The following TCFL5 variants were observed in gnomAD, a reference collection of about 807,000 sequenced individuals.
The protein encoded by TCFL5 is transcription factor like 5.
TCFL5 carries 9 observed loss-of-function variants against 44.3 expected under a neutral mutation model. The observed-to-expected ratio is 0.20, with a 90% CI of 0.12 to 0.35. The LOEUF (loss-of-function observed/expected upper bound fraction) is 0.35, where lower values mean the gene tolerates loss of function less well. Ranked by LOEUF, TCFL5 falls within the 10% of genes least tolerant of loss-of-function variation. The probability of loss-of-function intolerance (pLI) is 1.00; values close to 1 mark genes in which losing one functional copy is unlikely to be tolerated. For synonymous variants in TCFL5, 319 were observed against 271.6 expected, an observed-to-expected ratio of 1.17 and a Z score of -1.72; for missense variants, 603 against 613.4, an observed-to-expected ratio of 0.98 and a Z score of 0.18.
intron 5 of TCFL5, among the ~76,000 whole-genome samples, chr20:62,853,082 C>G (rs114352989): frequency 1.4e-5 from 2 of 138,694 alleles, no homozygotes; most frequent in Non-Finnish European, 3.0e-5. Context: ...TCCGCAGAAG[C>G]ACAGTCACCG....
At chr20:62,847,499 A>G (rs758766175) in intron 5 of TCFL5, among the ~76,000 whole-genome samples, 1 of 152,254 alleles carries the variant, frequency 6.6e-6, no homozygotes, top group Non-Finnish European at 1.5e-5. Flanking sequence ...AGCACGGCCC[A>G]GGCCAGAGGG....
intron 5 of TCFL5, chr20:62,852,495 C>G (rs2147266263): frequency 1.0e-6 from 1 of 985,500 alleles, no homozygotes; most frequent in African/African-American, 1.7e-5. Flanking sequence ...GCATTCAAAT[C>G]ACACGTCTAG....
chr20:62,856,909 G>C (rs1568790810), intron 4 of TCFL5, among the ~76,000 whole-genome samples: 1 of 152,170 alleles, frequency 6.6e-6, no homozygotes, highest in African/African-American at 2.4e-5. Context: ...GGCTGACACT[G>C]AACAACTGCT....
chr20:62,846,180 G>T, intron 5 of TCFL5: 1 of 1,072,280 alleles, frequency 9.3e-7, no homozygotes, highest in Non-Finnish European at 1.3e-6. Flanking sequence ...TAAAAAAAAA[G>T]AAGGAAGGAA....
At chr20:62,851,667 T>C in intron 5 of TCFL5, 2 of 985,434 alleles carry the variant, frequency 2.0e-6, no homozygotes, top group Non-Finnish European at 2.4e-6. Context: ...ACTTAAATTA[T>C]GCAACTCGCA....
chr20:62,847,140 G>A (rs8114722), intron 5 of TCFL5, among the ~76,000 whole-genome samples: 8,685 of 149,616 alleles, frequency 0.058, 290 homozygotes, highest in East Asian at 0.15. Flanking sequence ...CCAAGATCGC[G>A]CCATTACACG....
chr20:62,845,836 T>C, intron 5 of TCFL5: 2 of 1,595,490 alleles, frequency 1.3e-6, no homozygotes, highest in Non-Finnish European at 1.7e-6. Flanking sequence ...ATAAAAGTGA[T>C]TTATGACAAA....
intron 5 of TCFL5, chr20:62,852,229 C>A: frequency 2.0e-6 from 2 of 985,466 alleles, no homozygotes; most frequent in Non-Finnish European, 2.4e-6. Context: ...AAAGTCAGGA[C>A]CCTGTGGATC....
intron 4 of TCFL5, among the ~76,000 whole-genome samples, 196 bp downstream of exon 4, chr20:62,857,199 G>A (rs550742081): frequency 9.9e-5 from 15 of 152,254 alleles, no homozygotes; most frequent in African/African-American, 2.9e-4. Context: ...GCGGAGTCCC[G>A]GGAGTCCTCC....
intron 5 of TCFL5, among the ~76,000 whole-genome samples, chr20:62,847,778 G>A (rs2063762065): frequency 6.6e-6 from 1 of 152,264 alleles, no homozygotes; most frequent in South Asian, 2.1e-4. Context: ...GGGAGGCCGA[G>A]GCGGGCGGAT....
At position 62,841,068 on chromosome 20, in the gene TCFL5, C is replaced by A; in HGVS notation, c.*907G>T. On this transcript the variant is annotated 3_prime_UTR_variant, in exon 6 of 6. Transcript: ENST00000335351. ...TTGTGTAAAGACTATGATCTCATCC[C>A]AATAAAATGATATATTAAACCTTCA... is the stretch of plus-strand genomic sequence containing the variant. 3.8e-6 allele frequency: 1 copy of A among 266,282 alleles called. No homozygotes were observed. Among genetic ancestry groups the A allele is most frequent in the Non-Finnish European group, 7.3e-6 (1 of 136,524 alleles). 16.5% of individuals were successfully genotyped at this position (266,282 alleles called of 1,614,324 possible).
rs2064001711 is a variant in TCFL5 at position 62,861,307 on chromosome 20, C to T, written c.364G>A (p.Gly122Ser). The part of the protein sequence containing the change: ...SALAADAPCL[G>S]HIDFQELRMM... ...CGCAGCTCCTGGAAGTCGATGTGGC[C>T]CAGGCAGGGCGCGTCGGCCGCCAGC... The change falls in exon 1 of 6, where the codon GGC (glycine) becomes AGC (serine). Residue 122 changes from glycine (G) to serine (S), a missense_variant. Gly to Ser is a moderately conservative substitution (Grantham distance 56). Coordinates refer to ENST00000335351, the MANE Select transcript of TCFL5 (RefSeq NM_006602.4). The surrounding 1 kb of genome is among the most constrained non-coding windows in gnomAD (Gnocchi z 4.0). 4 of 1,172,884 alleles carry T rather than the reference C, an allele frequency of 3.4e-6. No individual in the cohort carries two copies. Among genetic ancestry groups the T allele is most frequent in the South Asian group, 2.0e-5 (1 of 49,272 alleles). 72.7% of individuals were successfully genotyped at this position (1,172,884 alleles called of 1,614,324 possible). A position where few individuals can be genotyped will look rare whatever the true frequency, so the allele number is the denominator to read the frequency against.
At position 62,857,457 on chromosome 20, in the gene TCFL5, A is replaced by C; in HGVS notation, c.1176T>G (p.Ser392Arg). 2 of 1,613,976 alleles carry C rather than the reference A, an allele frequency of 1.2e-6. No individual in the cohort carries two copies. Among genetic ancestry groups the C allele is most frequent in the Non-Finnish European group, 1.7e-6 (2 of 1,179,986 alleles). ...GTTGAGACCTTCCTCCCTGGGGCCC[A>C]CTCTGGGCCTGCTCCCCCAGGTTTG... is the stretch of plus-strand genomic sequence containing the variant. ...SQANLGEQAQ[S>R]GPQGGRSQRR... Residue 392 changes from serine to arginine, a missense_variant, in exon 4 of 6, where the codon AGT (serine) becomes AGG (arginine). Physicochemically the swap from Ser to Arg is moderately radical, Grantham distance 110. Around this residue, in one of 4 missense-constraint regions of TCFL5, gnomAD observed 540 missense variants for 478.7 expected, o/e 1.13. Coordinates refer to ENST00000335351, the MANE Select transcript of TCFL5 (RefSeq NM_006602.4).
chr20:62,845,168 CTG>C (rs1215974297), intron 5 of TCFL5: 1 of 982,562 alleles, frequency 1.0e-6, no homozygotes, highest in Non-Finnish European at 1.2e-6. Context: ...GTCGCCCAGA[CTG>C]GGGTGCAATG....
intron 4 of TCFL5, among the ~76,000 whole-genome samples, chr20:62,854,439 G>C (rs2063857241): frequency 1.3e-5 from 2 of 152,218 alleles, no homozygotes; most frequent in South Asian, 4.1e-4. Flanking sequence ...TCACGGGCCA[G>C]GTTCAAGTCT....
intron 5 of TCFL5, chr20:62,852,545 C>T (rs540403331): frequency 3.0e-6 from 3 of 985,368 alleles, no homozygotes; most frequent in African/African-American, 3.5e-5. Flanking sequence ...GCCACTGCCA[C>T]GACCACACAG....
At chr20:62,854,189 G>A (rs1472225385) in intron 4 of TCFL5, 32 bp from the exon 5 acceptor site, 3 of 1,610,910 alleles carry the variant, frequency 1.9e-6, no homozygotes, top group African/African-American at 1.3e-5. Context: ...ATCACCGAGA[G>A]AGACCGGAGC....
chr20:62,860,919 G>C (rs1308246777), intron 1 of TCFL5, 105 bp downstream of exon 1: 27 of 894,248 alleles, frequency 3.0e-5, no homozygotes, highest in East Asian at 1.2e-4. Flanking sequence ...GGGAGGGCAG[G>C]CTGGGGGCGT....
chr20:62,858,050 T>C (rs148977826), intron 3 of TCFL5, among the ~76,000 whole-genome samples: 15 of 151,724 alleles, frequency 9.9e-5, no homozygotes, highest in African/African-American at 3.6e-4. Flanking sequence ...AAATATTTTC[T>C]TTATATACAA....
Sources: gnomAD v4.1 joint callset for allele counts (sites outside exome capture counted in the v4.1 genomes callset) on GRCh38, gnomAD v4.1.1 for gene constraint, gnomAD v4.1.1 regional missense constraint, Gnocchi (gnomAD v3.1) non-coding constraint, MANE v1.5 for transcripts, NCBI Gene and HGNC (gene_info 2026-07-23, HGNC 2026-07-21) for gene names.